Variants in EPHA4 observed in about 807,000 individuals in gnomAD.
The protein encoded by EPHA4 is ephrin type-A receptor 4.
Under a neutral mutation model 108.3 loss-of-function variants are expected in EPHA4, and 19 were observed. The ratio of observed to expected loss-of-function variants is 0.18; its 90% confidence interval spans 0.12 to 0.26. The LOEUF (loss-of-function observed/expected upper bound fraction) is 0.26. Ranked by LOEUF, EPHA4 falls within the 10% of genes least tolerant of loss-of-function variation. The pLI, the probability that EPHA4 is intolerant of heterozygous loss-of-function variation, is 1.00. For synonymous variants in EPHA4, 449 were observed against 455.5 expected (o/e 0.99, Z 0.18); for missense variants, 917 against 1,254.0 (o/e 0.73, Z 4.06).
rs1397620467 is a variant in EPHA4 at position 221,420,542 on chromosome 2, G to A, written c.*830C>T. On this transcript the variant is annotated 3_prime_UTR_variant, in exon 18 of 18. Transcript: ENST00000281821. Reference sequence around the variant, plus strand: ...GAAGGGCTGTGAGGCCAAGATAGCAGAATCTACTCCCTGTAGATAAAAGAG... The same window carrying A: ...GAAGGGCTGTGAGGCCAAGATAGCAAAATCTACTCCCTGTAGATAAAAGAG... 1 of 152,324 alleles carries A rather than the reference G, an allele frequency of 6.6e-6. No individual in the cohort carries two copies. Among genetic ancestry groups the A allele is most frequent in the African/African-American group, 2.4e-5 (1 of 41,432 alleles). 9.4% of individuals were successfully genotyped at this position (152,324 alleles called of 1,614,324 possible). A position where few individuals can be genotyped will look rare whatever the true frequency, so the allele number is the denominator to read the frequency against.
At chr2:221,492,680 A>G (rs754170933) in intron 4 of EPHA4, among the ~76,000 whole-genome samples, 22 of 152,266 alleles carry the variant, frequency 1.4e-4, no homozygotes, top group Non-Finnish European at 2.4e-4. Context: ...TAACTGAAGC[A>G]GCAGCATACG....
intron 8 of EPHA4, among the ~76,000 whole-genome samples, chr2:221,453,037 G>A (rs1274479291): frequency 6.6e-6 from 1 of 152,102 alleles, no homozygotes; most frequent in African/African-American, 2.4e-5. Context: ...CATTACTCCA[G>A]TTTGACTGCT....
intron 4 of EPHA4, among the ~76,000 whole-genome samples, chr2:221,484,101 T>C (rs766649100): frequency 7.9e-5 from 12 of 152,212 alleles, no homozygotes; most frequent in Admixed American, 2.0e-4. Context: ...AGGAAATTAG[T>C]ACAAGTTTCT....
In EPHA4 at chr2:221,548,186, G is replaced by C. The variant is rs188635195; in HGVS notation, c.823+15545C>G. On this transcript the variant is annotated intron_variant, in intron 3 of 17. Transcript: ENST00000281821. ...TCAGTTAGTTCACACAGATCTGGTTGTTTAAAAGGGTCTGGGACAAATTAG... is the reference window on the plus strand; with the variant it reads ...TCAGTTAGTTCACACAGATCTGGTTCTTTAAAAGGGTCTGGGACAAATTAG... 8.1e-4 allele frequency among the ~76,000 whole-genome samples: 124 copies of C among 152,182 alleles called. 2 individuals are homozygous for C. Among genetic ancestry groups the C allele is most frequent in the Admixed American group, 7.4e-3 (113 of 15,284 alleles).
At chr2:221,503,336 C>A (rs1692535610) in intron 3 of EPHA4, among the ~76,000 whole-genome samples, 2 of 152,308 alleles carry the variant, frequency 1.3e-5, no homozygotes, top group South Asian at 4.1e-4. Context: ...GGACAAGAAA[C>A]TGTCCAGTGA....
chr2:221,437,214 A>G, intron 11 of EPHA4, 92 bp from the exon 12 acceptor site: 2 of 893,228 alleles, frequency 2.2e-6, no homozygotes, highest in South Asian at 2.9e-5. Context: ...CTGCCAAGAT[A>G]CCTGTCTTGT....
chr2:221,455,527 T>G lies in EPHA4; in HGVS notation c.1715+20A>C, dbSNP rs760236421. The G allele has an allele frequency of 1.3e-6, 2 of 1,569,896 alleles. No homozygotes were observed. The highest frequency in any genetic ancestry group is 2.2e-5 in the South Asian group (2 of 90,152). ...ACTGGGAAGGTCGGGGGCTGCACAG[T>G]GAGTGGCTTCAGTGCTTACCTCCGG... On this transcript the variant is annotated intron_variant, in intron 8 of 17. Transcript: ENST00000281821.
chr2:221,548,955 G>A (rs1184933570), intron 3 of EPHA4, among the ~76,000 whole-genome samples: 3 of 152,092 alleles, frequency 2.0e-5, no homozygotes, highest in African/African-American at 7.2e-5. Context: ...GGGACTACTA[G>A]GGCTACTAAA....
At position 221,511,869 on chromosome 2, in the gene EPHA4, A is replaced by G. The variant is rs1161494444; in HGVS notation, c.824-10697T>C. ...TTCTAACCTTTGTTCTAATTCTTCC[A>G]TTAGAGCACTGAAAATTTGCTATCT... On this transcript the variant is annotated intron_variant, in intron 3 of 17. Transcript: ENST00000281821. Among the ~76,000 whole-genome samples, 3 of 152,310 alleles carry G rather than the reference A, an allele frequency of 2.0e-5. No individual in the cohort carries two copies. The East Asian group carries it at 5.8e-4, about 29-fold the overall frequency.
chr2:221,426,438 T>A (rs770192495), intron 16 of EPHA4, 26 bp downstream of exon 16: 2 of 1,573,526 alleles, frequency 1.3e-6, no homozygotes, highest in Non-Finnish European at 1.7e-6. Context: ...GATTTACCCT[T>A]TCGTGTTACA....
At chr2:221,498,595 C>T (rs1156638957) in intron 4 of EPHA4, among the ~76,000 whole-genome samples, 2 of 151,476 alleles carry the variant, frequency 1.3e-5, no homozygotes, top group Non-Finnish European at 2.9e-5. Context: ...CAATCCTTGC[C>T]TATTTACAGT....
chr2:221,502,939 ACAC>A (rs1251145669), intron 3 of EPHA4, among the ~76,000 whole-genome samples: 1 of 152,210 alleles, frequency 6.6e-6, no homozygotes, highest in Non-Finnish European at 1.5e-5. Context: ...TCAAGTTTAT[ACAC>A]ATTGCATAAT....
chr2:221,572,239 T>A lies in EPHA4; in HGVS notation c.10A>T (p.Ile4Phe). Residue 4 changes from isoleucine to phenylalanine, a missense_variant, in exon 1 of 18, where the codon ATT becomes TTT. Ile to Phe is a conservative substitution (Grantham distance 21). Transcript: ENST00000281821. ...CACGAAAATAGGGCGAAATAGAAAATCCCAGCCATGGTTCGCCGGTGCCAA... is the reference window on the plus strand; with the variant it reads ...CACGAAAATAGGGCGAAATAGAAAAACCCAGCCATGGTTCGCCGGTGCCAA... MAG[I>F]FYFALFSCLF... The A allele has an allele frequency of 3.1e-6, 5 of 1,613,528 alleles. No individual in the cohort carries two copies. Among genetic ancestry groups the A allele is most frequent in the Non-Finnish European group, 4.2e-6 (5 of 1,179,862 alleles).
intron 3 of EPHA4, among the ~76,000 whole-genome samples, chr2:221,532,098 A>G (rs748971590): frequency 3.3e-5 from 5 of 151,522 alleles, no homozygotes; most frequent in Non-Finnish European, 7.4e-5. Context: ...AACACCAGGC[A>G]ATTGTCACAC....
intron 8 of EPHA4, among the ~76,000 whole-genome samples, chr2:221,452,573 C>G (rs545571510): frequency 1.3e-5 from 2 of 152,208 alleles, no homozygotes; most frequent in African/African-American, 4.8e-5. Flanking sequence ...TGGCTCCGGG[C>G]GGCCTTTCCC....
Position 221,571,881 on chromosome 2 carries a change from G to A in EPHA4, c.91+277C>T, listed in dbSNP as rs955314617. Among the ~76,000 whole-genome samples the A allele has an allele frequency of 1.3e-5, 2 of 152,130 alleles. No homozygotes were observed. The highest frequency in any genetic ancestry group is 4.8e-5 in the African/African-American group (2 of 41,424). Reference sequence around the variant, plus strand: ...CCCGTGCATCCCCTCAGGGCGCCTCGAGCGGGCCTCTCTGGCGGATGCTGA... The same window carrying A: ...CCCGTGCATCCCCTCAGGGCGCCTCAAGCGGGCCTCTCTGGCGGATGCTGA... On this transcript the variant is annotated intron_variant, in intron 1 of 17. Coordinates refer to ENST00000281821, the MANE Select transcript of EPHA4 (RefSeq NM_004438.5). This position sits in a 1 kb window ranked among gnomAD's most constrained non-coding sequence, Gnocchi z 6.3.
intron 4 of EPHA4, among the ~76,000 whole-genome samples, chr2:221,494,906 G>C (rs951048373): frequency 5.6e-5 from 8 of 144,016 alleles, no homozygotes; most frequent in Non-Finnish European, 9.0e-5. Context: ...CAAAATCCCT[G>C]TTAAGAAAAG....
At chr2:221,498,789 T>TA (rs1692382120) in intron 4 of EPHA4, among the ~76,000 whole-genome samples, 1 of 125,896 alleles carries the variant, frequency 7.9e-6, no homozygotes, top group East Asian at 2.7e-4. Flanking sequence ...ATTTTTTTTT[T>TA]CTTTTTTTTT....
At chr2:221,530,963 C>G (rs1574638768) in intron 3 of EPHA4, among the ~76,000 whole-genome samples, 1 of 152,224 alleles carries the variant, frequency 6.6e-6, no homozygotes, top group South Asian at 2.1e-4. Context: ...GAGTTGACAC[C>G]TCAAAGGCTT....
Sources: allele counts gnomAD v4.1 joint callset (sites outside exome capture counted in the v4.1 genomes callset), GRCh38; gene constraint gnomAD v4.1.1; non-coding constraint Gnocchi (gnomAD v3.1); transcripts MANE v1.5; gene names NCBI Gene and HGNC (gene_info 2026-07-23, HGNC 2026-07-21).